BCAR3: variants seen among roughly 807,000 people sequenced by gnomAD.
BCAR3 encodes the protein breast cancer anti-estrogen resistance protein 3.
In BCAR3, 37 loss-of-function variants were observed where a neutral mutation model predicts 80.1. The observed-to-expected ratio is 0.46, with a 90% CI of 0.36 to 0.61. The LOEUF is 0.61. Among genes scored for constraint, BCAR3 ranks in the 20% least tolerant of loss-of-function variants. The pLI is 0.00. For synonymous variants in BCAR3, 389 were observed against 418.9 expected (o/e 0.93, Z 0.87); for missense variants, 978 against 1,068.2 (o/e 0.92, Z 1.18).
At chr1:93,678,666 A>C (rs1191040888) in intron 1 of BCAR3, among the ~76,000 whole-genome samples, 3 of 152,204 alleles carry the variant, frequency 2.0e-5, no homozygotes, top group African/African-American at 7.2e-5. Flanking sequence ...CACGCTAAGG[A>C]ATATAAACAG....
intron 2 of BCAR3, among the ~76,000 whole-genome samples, chr1:93,668,704 T>C (rs1648040101): frequency 6.9e-6 from 1 of 144,298 alleles, no homozygotes; most frequent in Non-Finnish European, 1.5e-5. Flanking sequence ...AATAAAAGCT[T>C]TTTTTTTTTT....
At chr1:93,825,920 C>A (rs12123667) in intron 2 of BCAR3, among the ~76,000 whole-genome samples, 35,550 of 151,998 alleles carry the variant, frequency 0.23, 7,064 homozygotes, top group African/African-American at 0.54. Context: ...ACCACAGTTC[C>A]AGCCTAGTGG....
intron 3 of BCAR3, chr1:93,594,485 G>A (rs115342356): frequency 0.029 from 4,479 of 152,476 alleles, 90 homozygotes; most frequent in Non-Finnish European, 0.045. Flanking sequence ...TTGGCTGGGT[G>A]GAAGGTCTGA....
At chr1:93,788,772 AT>A (rs2100771274) in intron 2 of BCAR3, among the ~76,000 whole-genome samples, 1 of 152,034 alleles carries the variant, frequency 6.6e-6, no homozygotes, top group Admixed American at 6.5e-5. Flanking sequence ...CTATAACTTC[AT>A]TTTTTGGGCA....
chr1:93,616,687 G>C (rs1675138395), intron 3 of BCAR3, among the ~76,000 whole-genome samples: 2 of 152,202 alleles, frequency 1.3e-5, no homozygotes, highest in Admixed American at 6.5e-5. Flanking sequence ...ACTTTCTGAT[G>C]ATCTGGTGTG....
intron 2 of BCAR3, chr1:93,720,352 A>G (rs1650351137): frequency 6.6e-6 from 1 of 152,314 alleles, no homozygotes; most frequent in Non-Finnish European, 1.5e-5. Flanking sequence ...GATACTGCAG[A>G]AAGAAAGATC....
chr1:93,756,501 T>C (rs1455714585), intron 2 of BCAR3, among the ~76,000 whole-genome samples: 3 of 152,258 alleles, frequency 2.0e-5, no homozygotes, highest in Non-Finnish European at 2.9e-5. Flanking sequence ...TACAAGTTCT[T>C]GTAAATTTTG....
intron 2 of BCAR3, among the ~76,000 whole-genome samples, chr1:93,747,359 A>G (rs12128184): frequency 0.12 from 18,182 of 148,850 alleles, 1,896 homozygotes; most frequent in African/African-American, 0.25. Flanking sequence ...CACAAGCTGT[A>G]GTGTCTGTGC....
rs1673775382 is a variant in BCAR3, at chr1:93,582,882, C to A, written c.1105G>T (p.Gly369Ter). The A allele has an allele frequency of 6.2e-7, 1 of 1,610,274 alleles. No homozygotes were observed. The highest frequency in any genetic ancestry group is 8.5e-7 in the Non-Finnish European group (1 of 1,179,964). The change falls in exon 7 of 12, where the codon GGA becomes TGA. Residue 369 changes from glycine (G) to a stop codon, truncating the protein, a stop_gained. Coordinates refer to ENST00000260502, the MANE Select transcript of BCAR3 (RefSeq NM_003567.4). LOFTEE classifies it high-confidence loss of function. ...PCPNSPVFRT[G>*]SEPALSPAVV... is the part of the protein sequence containing the mutation. ...GCTGGGCTCAGGGCAGGCTCGCTTC[C>A]CGTCCTGAACACAGGTGAGTTTGGG...
intron 2 of BCAR3, among the ~76,000 whole-genome samples, chr1:93,769,819 A>G (rs1652292117): frequency 6.6e-6 from 1 of 152,210 alleles, no homozygotes; most frequent in Non-Finnish European, 1.5e-5. Context: ...CAGAACTTTC[A>G]TATCCTGGAT....
Position 93,582,829 on chromosome 1 carries a change from G to C in BCAR3, c.1158C>G (p.Ala386=), listed in dbSNP as rs1204225317. ...ATCCCCTCAGCGCCTCCCCAGCCCT[G>C]GCGTCTGAGGAGACCCTCCGAACCA... ...PAVVRRVSSD[A]RAGEALRGSD... is the part of the protein sequence containing the mutation. Residue 386 remains alanine, a synonymous_variant, in exon 7 of 12, where the codon GCC becomes GCG. Coordinates refer to ENST00000260502, the MANE Select transcript of BCAR3 (RefSeq NM_003567.4). 2.5e-6 allele frequency: 4 copies of C among 1,613,276 alleles called. No homozygotes were observed. The African/African-American group carries it at 5.4e-5, about 22-fold the overall frequency.
chr1:93,575,493 C>A (rs1673417498), intron 8 of BCAR3, among the ~76,000 whole-genome samples: 1 of 152,138 alleles, frequency 6.6e-6, no homozygotes, highest in East Asian at 1.9e-4. Flanking sequence ...CCTCGGAGGC[C>A]CCGGACCAGT....
intron 11 of BCAR3, among the ~76,000 whole-genome samples, chr1:93,566,684 C>T (rs1025307819): frequency 6.6e-6 from 1 of 152,168 alleles, no homozygotes; most frequent in East Asian, 1.9e-4. Context: ...CATCTTGGCA[C>T]ATCACCTTTT....
In BCAR3 at chr1:93,582,007, G is replaced by A. The variant is rs561230263; in HGVS notation, c.1686+294C>T. ...ATGCCAGCAGGGGTGGGTGGGAGAA[G>A]AGGGCGGCCCCCACCCCCGGCAGCA... is the stretch of plus-strand genomic sequence containing the variant. On this transcript the variant is annotated intron_variant, in intron 7 of 11. Coordinates refer to ENST00000260502, the MANE Select transcript of BCAR3 (RefSeq NM_003567.4). Among the ~76,000 whole-genome samples, 15 of 152,322 alleles carry A rather than the reference G, an allele frequency of 9.8e-5. No homozygotes were observed. The South Asian group carries it at 2.9e-3, about 29-fold the overall frequency.
Position 93,824,068 on chromosome 1 carries a change from C to T in BCAR3, c.-63+21499G>A, listed in dbSNP as rs1401721493. Among the ~76,000 whole-genome samples, 2 of 133,644 alleles carry T rather than the reference C, an allele frequency of 1.5e-5. 1 individual carries two copies. The highest frequency in any genetic ancestry group is 3.4e-5 in the Non-Finnish European group (2 of 59,140). 87.7% of individuals were successfully genotyped at this position (133,644 alleles called of 152,430 possible). A position where few individuals can be genotyped will look rare whatever the true frequency, so the allele number is the denominator to read the frequency against. ...GTAACCTAGAATATAAACTAGAATC[C>T]AGAAGATCAGGGAGTCTGTCTTGTT... On this transcript the variant is annotated intron_variant, in intron 2 of 13. Coordinates refer to the BCAR3 transcript ENST00000370244.
At chr1:93,769,539 C>T (rs1040672982) in intron 2 of BCAR3, among the ~76,000 whole-genome samples, 10 of 151,796 alleles carry the variant, frequency 6.6e-5, no homozygotes, top group African/African-American at 2.4e-4. Context: ...AATTGCACCA[C>T]CAGAGAATTT....
intron 3 of BCAR3, among the ~76,000 whole-genome samples, chr1:93,615,578 G>A (rs936374910): frequency 3.3e-5 from 5 of 152,172 alleles, no homozygotes; most frequent in Admixed American, 6.5e-5. Flanking sequence ...CACCAAGGTG[G>A]CAGAACTCAG....
chr1:93,562,269 G>A lies in BCAR3; in HGVS notation c.2450C>T (p.Pro817Leu), dbSNP rs1454144973. The change falls in exon 12 of 12, where the codon CCT (proline) becomes CTT (leucine). Residue 817 changes from proline to leucine, a missense_variant. Coordinates refer to ENST00000260502, the MANE Select transcript of BCAR3 (RefSeq NM_003567.4). Reference protein sequence around the residue: ...ILTALSRKLEPPPVKQAEL With the variant: ...ILTALSRKLELPPVKQAEL The stretch of plus-strand genomic sequence containing the variant: ...AAGCTCTGCCTGCTTTACAGGAGGA[G>A]GTTCCAATTTACGCGAGAGGGCAGT... The A allele has an allele frequency of 6.2e-7, 1 of 1,613,984 alleles. No homozygotes were observed. Among genetic ancestry groups the A allele is most frequent in the Non-Finnish European group, 8.5e-7 (1 of 1,179,938 alleles).
intron 3 of BCAR3, among the ~76,000 whole-genome samples, chr1:93,632,905 G>A (rs955583640): frequency 6.6e-6 from 1 of 152,054 alleles, no homozygotes; most frequent in Admixed American, 6.6e-5. Flanking sequence ...TATAATCCCA[G>A]CTACTTGGGA....
Sources: gnomAD v4.1 joint callset for allele counts (sites outside exome capture counted in the v4.1 genomes callset) on GRCh38, gnomAD v4.1.1 for gene constraint, MANE v1.5 for transcripts, NCBI Gene and HGNC (gene_info 2026-07-23, HGNC 2026-07-21) for gene names.